Variants in PPM1L observed in about 807,000 individuals in gnomAD.
PPM1L encodes protein phosphatase 1L.
Under a neutral mutation model 31.4 loss-of-function variants are expected in PPM1L, and 13 were observed. The ratio of observed to expected loss-of-function variants is 0.41; its 90% CI spans 0.27 to 0.66. The LOEUF (loss-of-function observed/expected upper bound fraction) is 0.66, where lower values mean the gene tolerates loss of function less well. PPM1L is among the 30% of genes least tolerant of loss of function. The pLI, the probability that PPM1L is intolerant of heterozygous loss-of-function variation, is 0.29. For synonymous variants in PPM1L, 184 were observed against 175.4 expected (o/e 1.05, Z -0.39); for missense variants, 326 against 453.7 (o/e 0.72, Z 2.56).
chr3:160,863,405 T>C (rs1224563870), intron 1 of PPM1L, among the ~76,000 whole-genome samples: 1 of 152,212 alleles, frequency 6.6e-6, no homozygotes, highest in African/African-American at 2.4e-5. Context: ...TAGCACTTGT[T>C]ATTCCTCTTT....
intron 1 of PPM1L, among the ~76,000 whole-genome samples, chr3:160,758,510 T>C (rs1191464556): frequency 6.6e-6 from 1 of 152,226 alleles, no homozygotes; most frequent in East Asian, 1.9e-4. Flanking sequence ...GTTGTAATAG[T>C]AATGTGGTGA....
chr3:161,008,225 T>G (rs1717777379), intron 2 of PPM1L, among the ~76,000 whole-genome samples: 2 of 152,210 alleles, frequency 1.3e-5, no homozygotes, highest in Non-Finnish European at 2.9e-5. Context: ...CTTGTTTGAT[T>G]TTAGGCCATA....
At chr3:160,855,094 C>T (rs530949655) in intron 1 of PPM1L, among the ~76,000 whole-genome samples, 93 of 152,018 alleles carry the variant, frequency 6.1e-4, no homozygotes, top group Non-Finnish European at 1.0e-3. Context: ...ATATGATCTT[C>T]GACAAAGTCA....
chr3:161,013,550 C>T (rs1717967677), intron 2 of PPM1L, among the ~76,000 whole-genome samples: 1 of 152,190 alleles, frequency 6.6e-6, no homozygotes, highest in African/African-American at 2.4e-5. Flanking sequence ...CCACTTGGTG[C>T]AGAGCTGAGT....
intron 1 of PPM1L, among the ~76,000 whole-genome samples, chr3:160,786,157 C>CTCTCTG (rs1553806231): frequency 1.4e-5 from 1 of 69,178 alleles, no homozygotes; most frequent in Non-Finnish European, 2.3e-5. Flanking sequence ...CTCTCTCTCT[C>CTCTCTG]TGTGTGTGTG....
At chr3:160,996,079 C>G (rs1717312637) in intron 2 of PPM1L, among the ~76,000 whole-genome samples, 1 of 152,124 alleles carries the variant, frequency 6.6e-6, no homozygotes, top group Non-Finnish European at 1.5e-5. Context: ...CAAATCGAAA[C>G]CACAGTGTAA....
intron 2 of PPM1L, among the ~76,000 whole-genome samples, chr3:160,979,041 A>C (rs1716708361): frequency 6.6e-6 from 1 of 152,020 alleles, no homozygotes; most frequent in South Asian, 2.1e-4. Flanking sequence ...TATTGCATAT[A>C]GCAGAAGATG....
At chr3:160,924,857 C>A (rs1714533222) in intron 1 of PPM1L, among the ~76,000 whole-genome samples, 1 of 152,156 alleles carries the variant, frequency 6.6e-6, no homozygotes, top group Non-Finnish European at 1.5e-5. Context: ...TAAATTCTGA[C>A]TTATATCTAA....
chr3:160,922,093 G>GGTCGGGCAGATCACA lies in PPM1L; in HGVS notation c.400-39643_400-39642insGTCGGGCAGATCACA, dbSNP rs1714426913. Among the ~76,000 whole-genome samples, 4 of 151,984 alleles carry GGTCGGGCAGATCACA rather than the reference G, an allele frequency of 2.6e-5. No individual in the cohort carries two copies. In the East Asian group the frequency reaches 7.8e-4, roughly 30 times the overall value. The stretch of plus-strand genomic sequence containing the variant: ...TGGGAGGCCAAGGCGGGCAGATCAC[G>GGTCGGGCAGATCACA]AGGTCAGGAGATCAAGACCATCCTG... On this transcript the variant is annotated intron_variant, in intron 1 of 3. Coordinates refer to ENST00000498165, the MANE Select transcript of PPM1L (RefSeq NM_139245.4).
chr3:160,811,354 T>C (rs1332730109), intron 1 of PPM1L, among the ~76,000 whole-genome samples: 1 of 152,236 alleles, frequency 6.6e-6, no homozygotes, highest in Non-Finnish European at 1.5e-5. Context: ...TCAGAATCAT[T>C]GAGCCTTGCT....
chr3:160,991,999 A>C (rs1490012258), intron 2 of PPM1L, among the ~76,000 whole-genome samples: 1 of 152,156 alleles, frequency 6.6e-6, no homozygotes, highest in Non-Finnish European at 1.5e-5. Context: ...CAACCCTAAG[A>C]TGTAAGTATT....
At chr3:161,033,052 T>G (rs1028512086) in intron 2 of PPM1L, among the ~76,000 whole-genome samples, 1 of 134,174 alleles carries the variant, frequency 7.5e-6, no homozygotes, top group Non-Finnish European at 1.6e-5. Context: ...AGGGAGGAGA[T>G]AGAGTATCCT....
chr3:161,038,584 TTA>T lies in PPM1L; in HGVS notation c.575-26818_575-26817del, dbSNP rs1491269509. Among the ~76,000 whole-genome samples the T allele has an allele frequency of 5.5e-3, 558 of 100,780 alleles. 21 individuals are homozygous for T. The highest frequency in any genetic ancestry group is 0.053 in the Admixed American group (488 of 9,266). The allele number at this position is 100,780 out of a possible 152,430, so 66.1% of individuals were successfully genotyped here. ...GCCTCCCAAAATGCTGGGATTTGTT[TTA>T]AAAAAAAAAAAAAAAAAAAAAAAAA... On this transcript the variant is annotated intron_variant, in intron 2 of 3. Coordinates refer to ENST00000498165, the MANE Select transcript of PPM1L (RefSeq NM_139245.4).
Position 160,917,510 on chromosome 3 carries a change from A to G in PPM1L, c.400-44226A>G, listed in dbSNP as rs1477577536. 3.3e-5 allele frequency among the ~76,000 whole-genome samples: 5 copies of G among 152,166 alleles called. No individual in the cohort carries two copies. In the South Asian group the frequency reaches 8.3e-4, roughly 25 times the overall value. ...AAATAGATATTATATCTCATATCTC[A>G]TATGGTTCAGGCACAGCATAATTCC... On this transcript the variant is annotated intron_variant, in intron 1 of 3. Coordinates refer to ENST00000498165, the MANE Select transcript of PPM1L (RefSeq NM_139245.4).
chr3:160,941,252 T>C (rs1237981295), intron 1 of PPM1L, among the ~76,000 whole-genome samples: 1 of 152,204 alleles, frequency 6.6e-6, no homozygotes, highest in Non-Finnish European at 1.5e-5. Flanking sequence ...GGTGAGACTT[T>C]GGACTGTGGA....
At chr3:160,807,809 C>CT (rs780117248) in intron 1 of PPM1L, among the ~76,000 whole-genome samples, 2,611 of 138,732 alleles carry the variant, frequency 0.019, 27 homozygotes, top group Middle Eastern at 0.062. Context: ...TGCTTGGGCA[C>CT]TTTTTTTTTT....
chr3:160,988,309 GA>G (rs904265164), intron 2 of PPM1L, among the ~76,000 whole-genome samples: 3 of 150,498 alleles, frequency 2.0e-5, no homozygotes, highest in African/African-American at 2.4e-5. Flanking sequence ...TATGAGAAAA[GA>G]AAAAAAAATC....
chr3:161,078,424 T>G lies in PPM1L; in HGVS notation c.*9267T>G, dbSNP rs1158697863. On this transcript the variant is annotated 3_prime_UTR_variant, in exon 4 of 4. Transcript: ENST00000498165. ...TATTTGTTTATAAAGAGATACAGGA[T>G]CTATAATTTATTGGCAATACTTTAT... The G allele has an allele frequency of 2.0e-5, 3 of 152,222 alleles. No homozygotes were observed. Among genetic ancestry groups the G allele is most frequent in the Non-Finnish European group, 4.4e-5 (3 of 68,032 alleles). 9.4% of individuals were successfully genotyped at this position (152,222 alleles called of 1,614,324 possible).
chr3:160,807,100 G>C (rs1712627357), intron 1 of PPM1L, among the ~76,000 whole-genome samples: 1 of 152,212 alleles, frequency 6.6e-6, no homozygotes, highest in Non-Finnish European at 1.5e-5. Context: ...CCAAAGTTGA[G>C]AGCCACTGGT....
Sources: allele counts gnomAD v4.1 joint callset (sites outside exome capture counted in the v4.1 genomes callset), GRCh38; gene constraint gnomAD v4.1.1; transcripts MANE v1.5; gene names NCBI Gene and HGNC (gene_info 2026-07-23, HGNC 2026-07-21).